Variants in SRSF7 observed in about 807,000 individuals in gnomAD.
SRSF7 encodes the protein serine and arginine rich splicing factor 7.
A neutral mutation model predicts 42.2 loss-of-function variants in SRSF7; 15 were observed. The observed-to-expected ratio is 0.36, with a 90% CI of 0.24 to 0.55. SRSF7 has a LOEUF of 0.55. SRSF7 is among the 20% of genes least tolerant of loss of function. The probability of loss-of-function intolerance (pLI) is 0.88; values close to 1 mark genes in which losing one functional copy is unlikely to be tolerated. For synonymous variants in SRSF7, 138 were observed against 107.9 expected (o/e 1.28, Z -1.73); for missense variants, 181 against 305.9 (o/e 0.59, Z 3.04).
chr2:38,749,188 G>C, intron 3 of SRSF7: 1 of 1,333,300 alleles, frequency 7.5e-7, no homozygotes, highest in Non-Finnish European at 9.9e-7. Flanking sequence ...AAAGAATAAG[G>C]TGAAGCTAGG....
chr2:38,746,411 A>G (rs1047246910), intron 6 of SRSF7, among the ~76,000 whole-genome samples: 1 of 152,234 alleles, frequency 6.6e-6, no homozygotes, highest in South Asian at 2.1e-4. Flanking sequence ...TGCTTTAAGC[A>G]CATCGATTTC....
At chr2:38,750,899 C>T (rs537601809) in intron 1 of SRSF7, 3 of 364,614 alleles carry the variant, frequency 8.2e-6, no homozygotes, top group Non-Finnish European at 1.6e-5. Flanking sequence ...TCAATGTGCG[C>T]AAAATGGCAG....
chr2:38,748,883 GTAT>G, intron 3 of SRSF7: 1 of 1,378,162 alleles, frequency 7.3e-7, no homozygotes, highest in East Asian at 2.7e-5. Flanking sequence ...ACTGTAATGT[GTAT>G]TTAAAATAAA....
At chr2:38,749,009 G>A in intron 3 of SRSF7, 1 of 1,289,810 alleles carries the variant, frequency 7.8e-7, no homozygotes, top group Non-Finnish European at 1.0e-6. Flanking sequence ...ATCTAACGAC[G>A]ATCAAACTGA....
intron 1 of SRSF7, chr2:38,750,898 G>A (rs570361318): frequency 1.7e-5 from 6 of 357,738 alleles, no homozygotes; most frequent in Admixed American, 3.8e-5. Flanking sequence ...CTCAATGTGC[G>A]CAAAATGGCA....
chr2:38,749,381 G>T, intron 3 of SRSF7, 148 bp downstream of exon 3: 1 of 1,541,834 alleles, frequency 6.5e-7, no homozygotes. Context: ...TATTAATATA[G>T]TAACATTTTT....
chr2:38,745,078 C>T lies in SRSF7; in HGVS notation c.*55G>A. On this transcript the variant is annotated 3_prime_UTR_variant, in exon 8 of 8. Transcript: ENST00000313117. Reference sequence around the variant, plus strand: ...GTTACACTTTACAGACATCACAAATCCCTTATAATAATGTAAACAAAATAA... The same window carrying T: ...GTTACACTTTACAGACATCACAAATTCCTTATAATAATGTAAACAAAATAA... 6.4e-7 allele frequency: 1 copy of T among 1,564,070 alleles called. No individual in the cohort carries two copies. The highest frequency in any genetic ancestry group is 8.8e-7 in the Non-Finnish European group (1 of 1,137,084).
At chr2:38,749,880 G>A (rs928291687) in intron 2 of SRSF7, 134 bp downstream of exon 2, 3 of 1,257,978 alleles carry the variant, frequency 2.4e-6, no homozygotes, top group African/African-American at 3.0e-5. Context: ...TAACCTTCGT[G>A]TGCCTTTAGC....
intron 5 of SRSF7, among the ~76,000 whole-genome samples, chr2:38,747,715 C>T (rs1316578048): frequency 1.3e-5 from 2 of 152,012 alleles, no homozygotes; most frequent in African/African-American, 4.8e-5. Context: ...GCCTTTTTGT[C>T]GGGAAAATCA....
Position 38,744,922 on chromosome 2 carries a change from C to G in SRSF7, c.*211G>C. On this transcript the variant is annotated 3_prime_UTR_variant, in exon 8 of 8. Transcript: ENST00000313117. The stretch of plus-strand genomic sequence containing the variant: ...GTTAGAAACATTTTATTTAAATGTG[C>G]CAAATAAAAACCCACATTTTCAGAC... 1 of 458,164 alleles carries G rather than the reference C, an allele frequency of 2.2e-6. No individual in the cohort carries two copies. The highest frequency in any genetic ancestry group is 5.3e-5 in the South Asian group (1 of 18,954). 28.4% of individuals were successfully genotyped at this position (458,164 alleles called of 1,614,324 possible). A position where few individuals can be genotyped will look rare whatever the true frequency, so the allele number is the denominator to read the frequency against.
intron 2 of SRSF7, 46 bp downstream of exon 2, chr2:38,749,968 C>G (rs1167384393): frequency 7.1e-6 from 11 of 1,550,200 alleles, no homozygotes; most frequent in South Asian, 2.4e-5. Flanking sequence ...CATTATCTAG[C>G]CACAGTATAT....
At position 38,751,236 on chromosome 2, in the gene SRSF7, G is replaced by A; in HGVS notation, c.21C>T (p.Tyr7=). 6.2e-7 allele frequency: 1 copy of A among 1,614,000 alleles called. No individual in the cohort carries two copies. The highest frequency in any genetic ancestry group is 1.6e-4 in the Middle Eastern group (1 of 6,062). Residue 7 remains tyrosine (Y), a synonymous_variant, in exon 1 of 8, where the codon TAC becomes TAT. Coordinates refer to ENST00000313117, the MANE Select transcript of SRSF7 (RefSeq NM_001031684.3). ...CGGACTCCAGCTTCTTACCTCCTCC[G>A]TACCGCCCGTAACGCGACATGATGA... MSRYGR[Y]GGETKVYVGN...
Position 38,750,061 on chromosome 2 carries a change from G to A in SRSF7, c.162C>T (p.Phe54=). 6.2e-7 allele frequency: 1 copy of A among 1,613,478 alleles called. No individual in the cohort carries two copies. Among genetic ancestry groups the A allele is most frequent in the African/African-American group, 1.3e-5 (1 of 74,814 alleles). ...CATCTTCTGCATCTCTAGGATCTTC[G>A]AATTCCACAAAGGCAAATCCTGGAG... ...RNPPGFAFVE[F]EDPRDAEDAV... The change falls in exon 2 of 8, where the codon TTC becomes TTT. Residue 54 remains phenylalanine (F), a synonymous_variant. Transcript: ENST00000313117.
In SRSF7 at chr2:38,744,628, G is replaced by A; in HGVS notation, c.*505C>T. 1 of 154,044 alleles carries A rather than the reference G, an allele frequency of 6.5e-6. No homozygotes were observed. The highest frequency in any genetic ancestry group is 6.4e-5 in the Admixed American group (1 of 15,588). 9.5% of individuals were successfully genotyped at this position (154,044 alleles called of 1,614,324 possible). ...ACTAACACCAACTTCAAACGGATTA[G>A]CTAACTTAAGGATCTGTCATGATGC... On this transcript the variant is annotated 3_prime_UTR_variant, in exon 8 of 8. Transcript: ENST00000313117.
chr2:38,749,690 G>T lies in SRSF7; in HGVS notation c.225C>A (p.Ser75=). The part of the protein sequence containing the change: ...RGLDGKVICG[S]RVRVELSTGM... Reference sequence around the variant, plus strand: ...CTGTCGATAGTTCAACCCTCACTCGGGAGCCACAAATCACCCTAATAAAAG... The same window carrying T: ...CTGTCGATAGTTCAACCCTCACTCGTGAGCCACAAATCACCCTAATAAAAG... Residue 75 remains serine, a synonymous_variant, in exon 3 of 8, where the codon TCC becomes TCA. Coordinates refer to ENST00000313117, the MANE Select transcript of SRSF7 (RefSeq NM_001031684.3). 1 of 1,555,402 alleles carries T rather than the reference G, an allele frequency of 6.4e-7. No homozygotes were observed. Among genetic ancestry groups the T allele is most frequent in the Non-Finnish European group, 8.6e-7 (1 of 1,157,920 alleles).
intron 3 of SRSF7, 155 bp from the exon 4 acceptor site, chr2:38,748,808 T>C: frequency 8.1e-7 from 1 of 1,233,020 alleles, no homozygotes; most frequent in Admixed American, 2.8e-5. Context: ...GTATTTTTTT[T>C]TTTACTACCT....
At chr2:38,746,222 C>T (rs1401747488) in intron 6 of SRSF7, 43 bp from the exon 7 acceptor site, 1 of 1,604,756 alleles carries the variant, frequency 6.2e-7, no homozygotes, top group Non-Finnish European at 8.5e-7. Context: ...GAGTACTAAC[C>T]AATCCCTTTC....
intron 3 of SRSF7, chr2:38,749,292 A>T (rs1231924425): frequency 6.8e-7 from 1 of 1,476,854 alleles, no homozygotes; most frequent in Non-Finnish European, 9.1e-7. Context: ...CCTCAGCATG[A>T]TATCATAAGG....
At chr2:38,750,409 G>A (rs576612884) in intron 1 of SRSF7, among the ~76,000 whole-genome samples, 1 of 151,910 alleles carries the variant, frequency 6.6e-6, no homozygotes, top group Non-Finnish European at 1.5e-5. Flanking sequence ...TAAATAATGC[G>A]GGGTGACCCT....
Sources: allele counts gnomAD v4.1 joint callset (sites outside exome capture counted in the v4.1 genomes callset), GRCh38; gene constraint gnomAD v4.1.1; transcripts MANE v1.5; gene names NCBI Gene and HGNC (gene_info 2026-07-23, HGNC 2026-07-21).